The following KIAA1217 variants were observed in gnomAD, a reference collection of about 807,000 sequenced individuals.
KIAA1217 encodes the protein KIAA1217, also known as sickle tail protein homolog.
KIAA1217 carries 88 observed loss-of-function variants against 163.9 expected under a neutral mutation model. The ratio of observed to expected loss-of-function variants is 0.54; its 90% CI spans 0.45 to 0.64. KIAA1217 has a LOEUF of 0.64. KIAA1217 is among the 30% of genes least tolerant of loss of function. The pLI, the probability that KIAA1217 is intolerant of heterozygous loss-of-function variation, is 0.00. For missense variants in KIAA1217, 2,372 were observed against 2,475.0 expected, an observed-to-expected ratio of 0.96 and a Z score of 0.88; for synonymous variants, 903 against 923.1, an observed-to-expected ratio of 0.98 and a Z score of 0.39.
intron 1 of KIAA1217, among the ~76,000 whole-genome samples, chr10:23,802,492 C>T (rs1186210778): frequency 6.6e-6 from 1 of 152,190 alleles, no homozygotes; most frequent in East Asian, 1.9e-4. Flanking sequence ...ATTGTACACC[C>T]AGGTGTCTGA....
chr10:23,888,871 A>G (rs1344536441), intron 1 of KIAA1217, among the ~76,000 whole-genome samples: 1 of 151,800 alleles, frequency 6.6e-6, no homozygotes, highest in Non-Finnish European at 1.5e-5. Flanking sequence ...CACCCCTAGC[A>G]ACCAACCGAT....
intron 20 of KIAA1217, 169 bp downstream of exon 20, chr10:24,545,272 A>G: frequency 7.0e-7 from 1 of 1,419,458 alleles, no homozygotes. Context: ...ACACTTTTTT[A>G]CCACGCTTTT....
intron 2 of KIAA1217, among the ~76,000 whole-genome samples, chr10:24,011,426 G>T (rs143160521): frequency 1.6e-4 from 25 of 152,236 alleles, no homozygotes; most frequent in African/African-American, 5.5e-4. Flanking sequence ...GTTTGAGGTT[G>T]CAGTGAGCTG....
intron 1 of KIAA1217, among the ~76,000 whole-genome samples, chr10:23,950,138 T>C (rs964535455): frequency 3.3e-5 from 5 of 152,134 alleles, no homozygotes. Flanking sequence ...TACACCACCG[T>C]GTTGACCCAC....
At chr10:24,467,734 G>T (rs556906362) in intron 5 of KIAA1217, among the ~76,000 whole-genome samples, 1 of 152,204 alleles carries the variant, frequency 6.6e-6, no homozygotes, top group Non-Finnish European at 1.5e-5. Context: ...TAGCATCAGA[G>T]AGATCAGTGG....
intron 1 of KIAA1217, among the ~76,000 whole-genome samples, chr10:23,778,712 G>C (rs74798210): frequency 0.018 from 2,668 of 152,296 alleles, 96 homozygotes; most frequent in African/African-American, 0.061. Flanking sequence ...GTTTAGCTTT[G>C]TGGATTGTCA....
At chr10:23,850,954 C>G (rs1050347546) in intron 1 of KIAA1217, among the ~76,000 whole-genome samples, 3 of 151,962 alleles carry the variant, frequency 2.0e-5, no homozygotes, top group Non-Finnish European at 4.4e-5. Flanking sequence ...GGGGGAAATC[C>G]ACCCCCATGA....
At chr10:24,186,485 G>A (rs1244477762) in intron 2 of KIAA1217, among the ~76,000 whole-genome samples, 4 of 152,102 alleles carry the variant, frequency 2.6e-5, no homozygotes, top group African/African-American at 4.8e-5. Context: ...TCAATAAAAC[G>A]TCTTGAATTA....
At chr10:23,984,692 C>T (rs567354101) in intron 1 of KIAA1217, among the ~76,000 whole-genome samples, 2 of 151,400 alleles carry the variant, frequency 1.3e-5, no homozygotes, top group East Asian at 2.0e-4. Flanking sequence ...TGTTCTCACT[C>T]ATAAGTGGGA....
chr10:24,510,384 G>A (rs1012905949), intron 9 of KIAA1217, among the ~76,000 whole-genome samples: 2 of 152,112 alleles, frequency 1.3e-5, no homozygotes. Context: ...TGGGCAGGAG[G>A]GTTAGGTGCC....
chr10:24,369,626 C>T (rs1013495549), intron 2 of KIAA1217, among the ~76,000 whole-genome samples: 2 of 152,128 alleles, frequency 1.3e-5, no homozygotes, highest in African/African-American at 4.8e-5. Flanking sequence ...TTAAAAATGG[C>T]TTTTGTTAAG....
At chr10:24,092,581 C>G (rs1409820808) in intron 2 of KIAA1217, among the ~76,000 whole-genome samples, 2 of 151,752 alleles carry the variant, frequency 1.3e-5, no homozygotes, top group African/African-American at 2.4e-5. Context: ...ATGGAAAGGA[C>G]TGAACTGTTC....
chr10:23,957,048 C>T (rs149373413), intron 1 of KIAA1217, among the ~76,000 whole-genome samples: 20 of 152,158 alleles, frequency 1.3e-4, no homozygotes, highest in African/African-American at 4.8e-4. Flanking sequence ...TCACCAGGCT[C>T]CCCATGCCAT....
intron 9 of KIAA1217, among the ~76,000 whole-genome samples, chr10:24,511,252 C>T (rs1369174127): frequency 6.6e-6 from 1 of 150,570 alleles, no homozygotes; most frequent in East Asian, 2.0e-4. Flanking sequence ...GGGAGATTAG[C>T]CACAAGGGAA....
chr10:23,865,686 A>T (rs1840147886), intron 1 of KIAA1217, among the ~76,000 whole-genome samples: 1 of 152,050 alleles, frequency 6.6e-6, no homozygotes, highest in Non-Finnish European at 1.5e-5. Context: ...TTAAATCTTA[A>T]TTTAGCTAGA....
intron 11 of KIAA1217, among the ~76,000 whole-genome samples, chr10:24,520,495 T>A (rs2070930050): frequency 6.6e-6 from 1 of 151,230 alleles, no homozygotes; most frequent in African/African-American, 2.4e-5. Flanking sequence ...CAGTAACACT[T>A]TCTATTTGCT....
intron 2 of KIAA1217, among the ~76,000 whole-genome samples, chr10:24,360,195 C>A (rs185151185): frequency 2.0e-5 from 3 of 151,776 alleles, no homozygotes; most frequent in Non-Finnish European, 4.4e-5. Flanking sequence ...TACAGGCACA[C>A]GCCACCATAC....
At chr10:24,246,342 A>G (rs1213370213) in intron 2 of KIAA1217, among the ~76,000 whole-genome samples, 1 of 152,232 alleles carries the variant, frequency 6.6e-6, no homozygotes, top group Non-Finnish European at 1.5e-5. Context: ...CCTGTTGTGA[A>G]CAGGACTGCA....
intron 2 of KIAA1217, among the ~76,000 whole-genome samples, chr10:24,376,052 C>T (rs1310304531): frequency 1.3e-5 from 2 of 152,186 alleles, no homozygotes; most frequent in African/African-American, 2.4e-5. Flanking sequence ...TGATCTCCCT[C>T]GCAGAACAGT....
Sources: gnomAD v4.1 joint callset for allele counts (sites outside exome capture counted in the v4.1 genomes callset) on GRCh38, gnomAD v4.1.1 for gene constraint, MANE v1.5 for transcripts, NCBI Gene and HGNC (gene_info 2026-07-23, HGNC 2026-07-21) for gene names.